AGBL4: variants seen among roughly 807,000 people sequenced by gnomAD.
AGBL4 encodes the protein cytosolic carboxypeptidase 6.
AGBL4 carries 58 observed loss-of-function variants against 66.4 expected under a neutral mutation model. That is an observed-to-expected ratio of 0.87 (90% confidence interval 0.71 to 1.09). AGBL4 has a LOEUF of 1.09. AGBL4 is among the 50% of genes least tolerant of loss of function. AGBL4 has a pLI of 0.00. For synonymous variants in AGBL4, 234 were observed against 222.9 expected (o/e 1.05, Z -0.44); for missense variants, 579 against 631.0 (o/e 0.92, Z 0.88).
At chr1:49,981,654 A>C (rs1456534560) in intron 1 of AGBL4, among the ~76,000 whole-genome samples, 2 of 152,184 alleles carry the variant, frequency 1.3e-5, no homozygotes, top group Admixed American at 1.3e-4. Flanking sequence ...GCTAGATGGT[A>C]ATGTATTTAA....
chr1:49,019,026 G>A (rs1205148713), intron 5 of AGBL4, among the ~76,000 whole-genome samples: 1 of 152,132 alleles, frequency 6.6e-6, no homozygotes, highest in Non-Finnish European at 1.5e-5. Context: ...CCTTAGGTAT[G>A]TACATTCGAG....
At chr1:48,829,415 A>G (rs1409560475) in intron 6 of AGBL4, among the ~76,000 whole-genome samples, 6 of 152,206 alleles carry the variant, frequency 3.9e-5, no homozygotes, top group Non-Finnish European at 1.5e-5. Flanking sequence ...CATTCAGTGT[A>G]CCATGACCTC....
chr1:49,872,259 ATAAAC>A (rs1646855139), intron 1 of AGBL4, among the ~76,000 whole-genome samples: 1 of 152,110 alleles, frequency 6.6e-6, no homozygotes, highest in Non-Finnish European at 1.5e-5. Context: ...TCCAAAATTT[ATAAAC>A]TATTTTGTGA....
chr1:48,929,040 G>T (rs1338330002), intron 5 of AGBL4, among the ~76,000 whole-genome samples: 1 of 152,142 alleles, frequency 6.6e-6, no homozygotes, highest in Non-Finnish European at 1.5e-5. Flanking sequence ...GATTGGTTCT[G>T]CTACCTGCCT....
At chr1:48,752,612 A>G (rs1188666647) in intron 6 of AGBL4, among the ~76,000 whole-genome samples, 1 of 152,178 alleles carries the variant, frequency 6.6e-6, no homozygotes, top group Non-Finnish European at 1.5e-5. Flanking sequence ...CTGTAGGACA[A>G]TGGGTGCCTA....
intron 1 of AGBL4, among the ~76,000 whole-genome samples, chr1:49,912,985 A>G (rs1651008114): frequency 1.3e-5 from 2 of 152,242 alleles, no homozygotes; most frequent in Admixed American, 6.5e-5. Flanking sequence ...TAACACTGTT[A>G]TAACGACAAT....
chr1:49,104,482 C>T (rs1645258256), intron 4 of AGBL4, among the ~76,000 whole-genome samples: 1 of 152,078 alleles, frequency 6.6e-6, no homozygotes, highest in South Asian at 2.1e-4. Context: ...ATTCTCCTTT[C>T]CCCTTCATTT....
intron 4 of AGBL4, among the ~76,000 whole-genome samples, chr1:49,228,921 T>A (rs2148292546): frequency 6.6e-6 from 1 of 152,312 alleles, no homozygotes; most frequent in African/African-American, 2.4e-5. Context: ...CCTAACCTAA[T>A]TTCCAGCCTC....
chr1:48,710,876 G>A (rs976833035), intron 6 of AGBL4, among the ~76,000 whole-genome samples: 2 of 151,438 alleles, frequency 1.3e-5, no homozygotes, highest in African/African-American at 4.9e-5. Flanking sequence ...GCTGGAATTC[G>A]CCACCCCACC....
intron 9 of AGBL4, among the ~76,000 whole-genome samples, chr1:48,620,795 C>T (rs181742784): frequency 3.9e-4 from 60 of 152,158 alleles, no homozygotes; most frequent in Admixed American, 2.7e-3. Context: ...TTACAAAAGA[C>T]CACACTATAT....
chr1:49,069,848 T>C (rs1644565429), intron 4 of AGBL4, among the ~76,000 whole-genome samples: 1 of 151,980 alleles, frequency 6.6e-6, no homozygotes, highest in African/African-American at 2.4e-5. Context: ...ACGATATTGA[T>C]TCTTTCTATA....
intron 3 of AGBL4, among the ~76,000 whole-genome samples, chr1:49,401,990 G>A (rs1645096787): frequency 2.0e-5 from 3 of 152,042 alleles, no homozygotes; most frequent in Admixed American, 2.0e-4. Context: ...AGCCACCAGT[G>A]ATCCTTTGAA....
At chr1:49,787,363 C>T (rs1336420630) in intron 2 of AGBL4, among the ~76,000 whole-genome samples, 2 of 151,886 alleles carry the variant, frequency 1.3e-5, no homozygotes, top group Admixed American at 1.3e-4. Flanking sequence ...ATTAGCCGGG[C>T]GTGGTGGCGG....
At chr1:49,323,540 G>A (rs1230136695) in intron 3 of AGBL4, among the ~76,000 whole-genome samples, 1 of 145,070 alleles carries the variant, frequency 6.9e-6, no homozygotes, top group African/African-American at 2.6e-5. Context: ...CAGGCAATCC[G>A]CCCGTCTCAG....
intron 3 of AGBL4, among the ~76,000 whole-genome samples, chr1:49,535,022 T>C (rs1241555656): frequency 6.6e-6 from 1 of 152,138 alleles, no homozygotes; most frequent in Non-Finnish European, 1.5e-5. Context: ...ACTCCTTCCT[T>C]CCCCTTGAAA....
At chr1:48,841,408 C>T (rs940729024) in intron 6 of AGBL4, among the ~76,000 whole-genome samples, 1 of 136,068 alleles carries the variant, frequency 7.3e-6, no homozygotes, top group Non-Finnish European at 1.5e-5. Context: ...AAACCCCCCC[C>T]CCCCAAAAAA....
At chr1:49,162,718 C>G (rs746740351) in intron 4 of AGBL4, among the ~76,000 whole-genome samples, 8 of 152,142 alleles carry the variant, frequency 5.3e-5, no homozygotes, top group Non-Finnish European at 1.0e-4. Flanking sequence ...CATTTACTAC[C>G]TCGGAGACCT....
intron 6 of AGBL4, among the ~76,000 whole-genome samples, chr1:48,685,286 A>AT (rs1227086972): frequency 1.3e-5 from 2 of 152,228 alleles, no homozygotes; most frequent in East Asian, 3.8e-4. Flanking sequence ...GGGCTAATAC[A>AT]TTTTTATTGT....
intron 2 of AGBL4, among the ~76,000 whole-genome samples, chr1:49,790,885 A>C (rs2147927792): frequency 6.6e-6 from 1 of 152,346 alleles, no homozygotes; most frequent in East Asian, 1.9e-4. Context: ...AGATGTTTTT[A>C]ATGTGTAATT....
Sources: gnomAD v4.1 joint callset for allele counts (sites outside exome capture counted in the v4.1 genomes callset) on GRCh38, gnomAD v4.1.1 for gene constraint, MANE v1.5 for transcripts, NCBI Gene and HGNC (gene_info 2026-07-23, HGNC 2026-07-21) for gene names.